Variants in OSBPL1A observed in about 807,000 individuals in gnomAD.
The protein encoded by OSBPL1A is oxysterol-binding protein-related protein 1.
OSBPL1A carries 80 observed loss-of-function variants against 137.1 expected under a neutral mutation model. That is an observed-to-expected ratio of 0.58 (90% CI 0.49 to 0.70). The LOEUF is 0.70. OSBPL1A is among the 30% of genes least tolerant of loss of function. The probability of loss-of-function intolerance (pLI) is 0.00; values close to 1 mark genes in which losing one functional copy is unlikely to be tolerated. For synonymous variants in OSBPL1A, 365 were observed against 389.7 expected (o/e 0.94, Z 0.75); for missense variants, 970 against 1,129.4 (o/e 0.86, Z 2.02).
At chr18:24,368,160 T>C (rs1230731886) in intron 3 of OSBPL1A, 127 bp downstream of exon 3, 1 of 574,642 alleles carries the variant, frequency 1.7e-6, no homozygotes, top group Non-Finnish European at 3.1e-6. Flanking sequence ...ATTAAGTGTC[T>C]TGAATGATGA....
At chr18:24,173,422 A>AT (rs992522982) in intron 21 of OSBPL1A, among the ~76,000 whole-genome samples, 6 of 151,930 alleles carry the variant, frequency 3.9e-5, no homozygotes, top group Admixed American at 2.6e-4. Context: ...TTTACTTTTT[A>AT]TTTTTTTTGA....
chr18:24,387,231 T>A (rs538737773), intron 1 of OSBPL1A, among the ~76,000 whole-genome samples: 63 of 152,124 alleles, frequency 4.1e-4, no homozygotes, highest in African/African-American at 1.5e-3. Context: ...ATTTTTGTAT[T>A]TTTTTGTAGA....
intron 26 of OSBPL1A, among the ~76,000 whole-genome samples, chr18:24,166,241 C>T (rs2086143268): frequency 6.6e-6 from 1 of 152,002 alleles, no homozygotes; most frequent in Non-Finnish European, 1.5e-5. Flanking sequence ...TATACTTAAC[C>T]AAGGGGAGGC....
At chr18:24,200,286 G>A (rs577734700) in intron 17 of OSBPL1A, among the ~76,000 whole-genome samples, 149 of 152,168 alleles carry the variant, frequency 9.8e-4, no homozygotes, top group Non-Finnish European at 1.7e-3. Flanking sequence ...AAATCAGGCC[G>A]GGCGCCATGG....
intron 21 of OSBPL1A, among the ~76,000 whole-genome samples, chr18:24,175,110 A>G (rs1259400246): frequency 6.1e-4 from 9 of 14,800 alleles, no homozygotes; most frequent in South Asian, 2.4e-3. Context: ...ATGTGTATGT[A>G]TATATATATA....
At chr18:24,281,588 A>G (rs968332209) in intron 14 of OSBPL1A, among the ~76,000 whole-genome samples, 11 of 151,090 alleles carry the variant, frequency 7.3e-5, no homozygotes, top group Admixed American at 4.0e-4. Flanking sequence ...ATGGGGTTTC[A>G]CAACGTTGGC....
In OSBPL1A at chr18:24,169,836, C is replaced by T. The variant is rs114348820; in HGVS notation, c.2418+491G>A. 8.8e-3 allele frequency among the ~76,000 whole-genome samples: 1,335 copies of T among 152,314 alleles called. 20 individuals are homozygous for T. The highest frequency in any genetic ancestry group is 0.031 in the African/African-American group (1,286 of 41,554). On this transcript the variant is annotated intron_variant, in intron 24 of 27. Coordinates refer to ENST00000319481, the MANE Select transcript of OSBPL1A (RefSeq NM_080597.4). ...CCCCTACTGGGATTTAACTATCCCA[C>T]AAAGAAGAAAGTTTAGTAAGAGGAA...
chr18:24,372,149 C>T (rs894302637), intron 2 of OSBPL1A, among the ~76,000 whole-genome samples: 23 of 151,868 alleles, frequency 1.5e-4, no homozygotes, highest in Admixed American at 7.9e-4. Flanking sequence ...GTGGCGCACA[C>T]CTGTAATCCC....
intron 17 of OSBPL1A, among the ~76,000 whole-genome samples, chr18:24,197,777 TTTTC>T (rs752542760): frequency 3.3e-4 from 49 of 149,932 alleles, no homozygotes; most frequent in Non-Finnish European, 6.6e-4. Flanking sequence ...TATTTTGTTC[TTTTC>T]TTTTCTTTTT....
rs185954576 is a variant in OSBPL1A at position 24,219,452 on chromosome 18, G to A, written c.1601+5590C>T. Among the ~76,000 whole-genome samples, 152 of 152,296 alleles carry A rather than the reference G, an allele frequency of 1.0e-3. 2 individuals are homozygous for A. The Middle Eastern group carries it at 0.027, about 27-fold the overall frequency. On this transcript the variant is annotated intron_variant, in intron 17 of 27. Transcript: ENST00000319481. The stretch of plus-strand genomic sequence containing the variant: ...AAAATTTCCATAATAAAAAGTTTTA[G>A]AAATGGGATTATTCATCTGAAAATA...
chr18:24,308,450 G>C (rs955526604), intron 13 of OSBPL1A, among the ~76,000 whole-genome samples: 16 of 151,970 alleles, frequency 1.1e-4, no homozygotes, highest in Non-Finnish European at 2.9e-5. Flanking sequence ...GAACTCCTGG[G>C]CTCAAGCAAT....
intron 14 of OSBPL1A, among the ~76,000 whole-genome samples, chr18:24,292,228 G>C (rs566701083): frequency 6.6e-6 from 1 of 152,250 alleles, no homozygotes; most frequent in Non-Finnish European, 1.5e-5. Flanking sequence ...CCCAATGAAA[G>C]AATTACTCAA....
intron 4 of OSBPL1A, among the ~76,000 whole-genome samples, chr18:24,354,089 A>C (rs1262630499): frequency 6.6e-6 from 1 of 152,124 alleles, no homozygotes; most frequent in Non-Finnish European, 1.5e-5. Context: ...TTAAAAAAAG[A>C]AAAACAACAA....
chr18:24,250,186 G>GTTTTTT (rs200198027), intron 15 of OSBPL1A, among the ~76,000 whole-genome samples: 1 of 78,068 alleles, frequency 1.3e-5, no homozygotes, highest in African/African-American at 4.6e-5. Context: ...TTGTTTGTTT[G>GTTTTTT]TTTTTTTTGA....
intron 15 of OSBPL1A, among the ~76,000 whole-genome samples, chr18:24,275,437 A>G (rs1025720896): frequency 2.6e-5 from 4 of 152,222 alleles, no homozygotes; most frequent in African/African-American, 9.6e-5. Flanking sequence ...TGAGGGGACT[A>G]CAGAGACAGA....
At chr18:24,343,170 A>T (rs1043434313) in intron 4 of OSBPL1A, among the ~76,000 whole-genome samples, 2 of 152,110 alleles carry the variant, frequency 1.3e-5, no homozygotes, top group African/African-American at 4.8e-5. Flanking sequence ...ATGGGCAAAG[A>T]CAACAATGAA....
At chr18:24,177,678 C>A (rs1599440599) in intron 21 of OSBPL1A, among the ~76,000 whole-genome samples, 1 of 152,162 alleles carries the variant, frequency 6.6e-6, no homozygotes, top group Non-Finnish European at 1.5e-5. Context: ...AGAGTGAATT[C>A]ATTTTGAAAG....
chr18:24,364,259 T>C (rs623280), intron 4 of OSBPL1A, among the ~76,000 whole-genome samples: 23,469 of 152,094 alleles, frequency 0.15, 2,730 homozygotes, highest in African/African-American at 0.33. Context: ...CTCCACACAT[T>C]TGCAGGAGAA....
Position 24,385,145 on chromosome 18 carries a change from A to G in OSBPL1A, c.-2-7610T>C, listed in dbSNP as rs368183851. Among the ~76,000 whole-genome samples the G allele has an allele frequency of 4.8e-3, 728 of 151,966 alleles. 5 individuals are homozygous for G. The highest frequency in any genetic ancestry group is 0.015 in the African/African-American group (610 of 41,498). ...AATTTTTTGTATTTTTAGTAGAGAC[A>G]GGGTTTCACTGTGTTAGCCAGGATG... On this transcript the variant is annotated intron_variant, in intron 1 of 27. Coordinates refer to ENST00000319481, the MANE Select transcript of OSBPL1A (RefSeq NM_080597.4).
Sources: allele counts gnomAD v4.1 joint callset (sites outside exome capture counted in the v4.1 genomes callset), GRCh38; gene constraint gnomAD v4.1.1; transcripts MANE v1.5; gene names NCBI Gene and HGNC (gene_info 2026-07-23, HGNC 2026-07-21).